Variants in CDH8 observed in about 807,000 individuals in gnomAD.
The protein encoded by CDH8 is cadherin-8.
CDH8 carries 17 observed loss-of-function variants against 68.1 expected under a neutral mutation model. The ratio of observed to expected loss-of-function variants is 0.25; its 90% CI spans 0.17 to 0.37. The LOEUF is 0.37. Ranked by LOEUF, CDH8 falls within the 10% of genes least tolerant of loss-of-function variation. CDH8 has a pLI of 1.00. For missense variants in CDH8, 763 were observed against 999.3 expected (o/e 0.76, Z 3.19); for synonymous variants, 372 against 365.1 (o/e 1.02, Z -0.21).
At chr16:61,689,896 T>C (rs1964184545) in intron 10 of CDH8, among the ~76,000 whole-genome samples, 1 of 152,040 alleles carries the variant, frequency 6.6e-6, no homozygotes. Flanking sequence ...GTTACATCAC[T>C]AATATATGTT....
chr16:62,021,414 G>A lies in CDH8; in HGVS notation c.-11C>T, dbSNP rs1902072570. On this transcript the variant is annotated 5_prime_UTR_variant, in exon 2 of 12. Coordinates refer to ENST00000577390, the MANE Select transcript of CDH8 (RefSeq NM_001796.5). ...TAGCCGTTCTGGCATGGTCCCACCA[G>A]TTAAGCAAATCACCACGAAAATGAG... The A allele has an allele frequency of 6.3e-7, 1 of 1,583,198 alleles. No individual in the cohort carries two copies. Among genetic ancestry groups the A allele is most frequent in the Non-Finnish European group, 8.6e-7 (1 of 1,164,738 alleles).
At chr16:61,891,135 T>G (rs1963769213) in intron 3 of CDH8, among the ~76,000 whole-genome samples, 1 of 151,970 alleles carries the variant, frequency 6.6e-6, no homozygotes. Context: ...ATTAAAGAGA[T>G]CAGGGATGTG....
At chr16:61,823,891 T>G in intron 5 of CDH8, among the ~76,000 whole-genome samples, 1 of 151,906 alleles carries the variant, frequency 6.6e-6, no homozygotes, top group East Asian at 1.9e-4. Context: ...GAGCTTCTTT[T>G]GTTTTATTAT....
intron 10 of CDH8, among the ~76,000 whole-genome samples, chr16:61,662,573 T>G (rs185824586): frequency 3.7e-4 from 56 of 151,814 alleles, no homozygotes; most frequent in Middle Eastern, 3.4e-3. Context: ...ATTTAAGAAA[T>G]GGGCCGATCA....
intron 2 of CDH8, chr16:61,940,721 G>C (rs181222215): frequency 3.9e-4 from 59 of 152,304 alleles, no homozygotes; most frequent in African/African-American, 1.3e-3. Flanking sequence ...ATCTTAAAGA[G>C]AGACTTGGAA....
intron 7 of CDH8, among the ~76,000 whole-genome samples, chr16:61,807,478 A>C: frequency 6.6e-6 from 1 of 151,734 alleles, no homozygotes. Flanking sequence ...AAGTATAATA[A>C]AAAAAACAAA....
rs71134375 is a variant in CDH8, at chr16:61,751,382, T to TAAAAAA, written c.1415-24173_1415-24168dup. On this transcript the variant is annotated intron_variant, in intron 8 of 11. Transcript: ENST00000577390. ...CACAAATGTCCTTCCATATTCTCCT[T>TAAAAAA]AAAAAAAAAAAAAAAAAAAAAAAAA... 2.8e-3 allele frequency among the ~76,000 whole-genome samples: 153 copies of TAAAAAA among 54,148 alleles called. 9 individuals carry two copies. The highest frequency in any genetic ancestry group is 3.4e-3 in the Non-Finnish European group (109 of 32,148). 35.5% of individuals were successfully genotyped at this position (54,148 alleles called of 152,430 possible).
At chr16:61,681,066 A>G (rs1188479568) in intron 10 of CDH8, among the ~76,000 whole-genome samples, 2 of 151,918 alleles carry the variant, frequency 1.3e-5, no homozygotes, top group Admixed American at 6.6e-5. Flanking sequence ...TCACTCTTAC[A>G]TTGCTTTCAA....
chr16:61,854,765 T>G (rs1488477629), intron 4 of CDH8, among the ~76,000 whole-genome samples: 2 of 152,122 alleles, frequency 1.3e-5, no homozygotes, highest in Non-Finnish European at 2.9e-5. Context: ...CTATTTCTGC[T>G]TAGCTTGTAT....
intron 9 of CDH8, among the ~76,000 whole-genome samples, chr16:61,720,972 T>C (rs1013775698): frequency 6.6e-6 from 1 of 150,728 alleles, no homozygotes; most frequent in Non-Finnish European, 1.5e-5. Context: ...TATTTGTATA[T>C]CTATATATCT....
At chr16:61,745,248 G>A (rs1596925082) in intron 8 of CDH8, among the ~76,000 whole-genome samples, 2 of 151,556 alleles carry the variant, frequency 1.3e-5, no homozygotes, top group Middle Eastern at 3.2e-3. Context: ...TAAGCTGTCT[G>A]CTTTTGAGAC....
chr16:61,781,452 A>T (rs1487403135), intron 8 of CDH8, among the ~76,000 whole-genome samples: 1 of 152,056 alleles, frequency 6.6e-6, no homozygotes, highest in Non-Finnish European at 1.5e-5. Flanking sequence ...AACCAAAAAC[A>T]AAAACAAAAA....
intron 2 of CDH8, among the ~76,000 whole-genome samples, chr16:61,997,812 G>A (rs1965831411): frequency 6.6e-6 from 1 of 152,036 alleles, no homozygotes; most frequent in Non-Finnish European, 1.5e-5. Flanking sequence ...AATATCAGAT[G>A]CAAAAATCTA....
intron 3 of CDH8, among the ~76,000 whole-genome samples, chr16:61,893,995 G>A (rs888636618): frequency 6.6e-6 from 1 of 152,022 alleles, no homozygotes; most frequent in Admixed American, 6.6e-5. Context: ...AAAATTTTGG[G>A]TTAATAGTTT....
intron 2 of CDH8, among the ~76,000 whole-genome samples, chr16:62,006,807 A>G (rs1965982932): frequency 6.6e-6 from 1 of 152,212 alleles, no homozygotes; most frequent in Non-Finnish European, 1.5e-5. Flanking sequence ...TTTAAAATTA[A>G]CTGCATAAAT....
chr16:61,690,992 C>T (rs1964211641), intron 10 of CDH8, among the ~76,000 whole-genome samples: 1 of 152,058 alleles, frequency 6.6e-6, no homozygotes, highest in Non-Finnish European at 1.5e-5. Context: ...CTGCTCCTCA[C>T]TTTATAGTCT....
intron 2 of CDH8, among the ~76,000 whole-genome samples, chr16:61,969,487 A>C (rs1360737016): frequency 6.6e-6 from 1 of 152,238 alleles, no homozygotes; most frequent in Non-Finnish European, 1.5e-5. Context: ...GAATGTATTA[A>C]ATAACTTCCG....
chr16:61,954,675 T>C (rs1964955732), intron 2 of CDH8, among the ~76,000 whole-genome samples: 1 of 133,158 alleles, frequency 7.5e-6, no homozygotes, highest in African/African-American at 2.9e-5. Flanking sequence ...TACTCCAGCC[T>C]GGGCAACAGA....
chr16:61,736,369 T>C (rs1377623588), intron 8 of CDH8, among the ~76,000 whole-genome samples: 3 of 152,174 alleles, frequency 2.0e-5, no homozygotes, highest in African/African-American at 7.2e-5. Context: ...ATATATATCA[T>C]GTGATCACTG....
Sources: allele counts gnomAD v4.1 joint callset (sites outside exome capture counted in the v4.1 genomes callset), GRCh38; gene constraint gnomAD v4.1.1; transcripts MANE v1.5; gene names NCBI Gene and HGNC (gene_info 2026-07-23, HGNC 2026-07-21).